The following ARHGAP35 variants were observed in gnomAD, a reference collection of about 807,000 sequenced individuals.
The protein encoded by ARHGAP35 is Rho GTPase activating protein 35, also known as rho GTPase-activating protein 35.
Under a neutral mutation model 111.1 loss-of-function variants are expected in ARHGAP35, and 15 were observed. That is an observed-to-expected ratio of 0.13 (90% CI 0.09 to 0.21). The LOEUF (loss-of-function observed/expected upper bound fraction) is 0.21, where lower values mean the gene tolerates loss of function less well. Among genes scored for constraint, ARHGAP35 ranks in the 10% least tolerant of loss-of-function variants. The pLI, the probability that ARHGAP35 is intolerant of heterozygous loss-of-function variation, is 1.00. For synonymous variants in ARHGAP35, 643 were observed against 710.3 expected, an observed-to-expected ratio of 0.91 and a Z score of 1.51; for missense variants, 1,262 against 1,873.0, an observed-to-expected ratio of 0.67 and a Z score of 6.02.
rs10405527 is a variant in ARHGAP35 at position 46,996,929 on chromosome 19, G to A, written c.4037-2375G>A. Among the ~76,000 whole-genome samples the A allele has an allele frequency of 3.6e-3, 551 of 152,288 alleles. 7 individuals carry two copies. Among genetic ancestry groups the A allele is most frequent in the African/African-American group, 0.013 (527 of 41,546 alleles). On this transcript the variant is annotated intron_variant, in intron 5 of 6. Coordinates refer to ENST00000672722, the MANE Select transcript of ARHGAP35 (RefSeq NM_004491.5). ...TCCCAGCATTTTGGGAGGCCGAGGC[G>A]GGTGGATCACCTGAGGTCAGGAGTT...
At chr19:46,880,584 CTG>C in intron 1 of ARHGAP35, among the ~76,000 whole-genome samples, 1 of 152,286 alleles carries the variant, frequency 6.6e-6, no homozygotes, top group East Asian at 1.9e-4. Flanking sequence ...TCAAAGCAGT[CTG>C]TGAGGGTTAG....
intron 3 of ARHGAP35, among the ~76,000 whole-genome samples, chr19:46,959,973 T>G (rs866093052): frequency 6.6e-6 from 1 of 150,604 alleles, no homozygotes; most frequent in African/African-American, 2.4e-5. Flanking sequence ...AGCCATGCAT[T>G]GTGGCACATG....
intron 5 of ARHGAP35, among the ~76,000 whole-genome samples, chr19:46,995,130 A>G (rs2056700508): frequency 6.6e-6 from 1 of 152,158 alleles, no homozygotes; most frequent in Non-Finnish European, 1.5e-5. Context: ...GGCTGGGTAC[A>G]GTGTGACTGG....
chr19:46,983,858 G>A (rs948033437), intron 3 of ARHGAP35, among the ~76,000 whole-genome samples: 4 of 151,788 alleles, frequency 2.6e-5, no homozygotes, highest in Admixed American at 6.6e-5. Context: ...CTCGTGATTC[G>A]CCCGCCTCGG....
At chr19:46,998,131 A>G (rs1194893248) in intron 5 of ARHGAP35, among the ~76,000 whole-genome samples, 2 of 151,954 alleles carry the variant, frequency 1.3e-5, no homozygotes, top group Non-Finnish European at 2.9e-5. Context: ...AAAGAAAAGA[A>G]TACTTGGTTC....
chr19:46,949,350 G>A (rs1417943176), intron 3 of ARHGAP35, among the ~76,000 whole-genome samples: 5 of 152,030 alleles, frequency 3.3e-5, no homozygotes, highest in African/African-American at 4.8e-5. Flanking sequence ...TACAAAGGGG[G>A]ACCACACCTT....
At chr19:46,943,305 A>G (rs311368) in intron 3 of ARHGAP35, among the ~76,000 whole-genome samples, 96,856 of 152,000 alleles carry the variant, frequency 0.64, 31,637 homozygotes, top group Middle Eastern at 0.8. Flanking sequence ...TTCCAGGACC[A>G]AGTGTGGCCT....
At chr19:46,882,708 T>A (rs542904475) in intron 1 of ARHGAP35, among the ~76,000 whole-genome samples, 1 of 152,180 alleles carries the variant, frequency 6.6e-6, no homozygotes, top group Middle Eastern at 3.2e-3. Flanking sequence ...TGTGTCCATA[T>A]GTTCTCATTG....
chr19:46,972,251 T>G (rs2056554578), intron 3 of ARHGAP35, among the ~76,000 whole-genome samples: 1 of 151,636 alleles, frequency 6.6e-6, no homozygotes, highest in Non-Finnish European at 1.5e-5. Context: ...CCTCAGGTGA[T>G]CACCCACCTC....
chr19:46,947,871 C>T (rs577019180), intron 3 of ARHGAP35: 1 of 152,150 alleles, frequency 6.6e-6, no homozygotes, highest in South Asian at 2.1e-4. Context: ...GAAACACTTG[C>T]TTATATTTAC....
At chr19:46,958,539 G>A (rs1242784335) in intron 3 of ARHGAP35, among the ~76,000 whole-genome samples, 2 of 152,206 alleles carry the variant, frequency 1.3e-5, no homozygotes, top group Admixed American at 1.3e-4. Flanking sequence ...TATTTTATGT[G>A]TGGATGACAC....
At chr19:46,924,580 T>C (rs771683447) in intron 2 of ARHGAP35, among the ~76,000 whole-genome samples, 45 of 152,202 alleles carry the variant, frequency 3.0e-4, no homozygotes, top group Non-Finnish European at 5.3e-4. Context: ...CCTCCAAAGG[T>C]TGGTAGGAGG....
chr19:46,933,557 T>A (rs2122219625), intron 2 of ARHGAP35, among the ~76,000 whole-genome samples: 1 of 152,324 alleles, frequency 6.6e-6, no homozygotes. Flanking sequence ...TTCGCAGTCA[T>A]ACAGACCTGA....
chr19:46,996,416 A>G (rs1047824714), intron 5 of ARHGAP35, among the ~76,000 whole-genome samples: 2 of 151,880 alleles, frequency 1.3e-5, no homozygotes, highest in African/African-American at 2.4e-5. Flanking sequence ...AATTATTATC[A>G]ATGCAGGCTT....
Position 46,988,428 on chromosome 19 carries a change from A to G in ARHGAP35, c.3904+362A>G, listed in dbSNP as rs1230469629. ...CACATGATATACAAGTCGGGTTGAG[A>G]TGTGATCCTGTTTTGCCAGGGCCTC... is the stretch of plus-strand genomic sequence containing the variant. On this transcript the variant is annotated intron_variant, in intron 4 of 6. Coordinates refer to ENST00000672722, the MANE Select transcript of ARHGAP35 (RefSeq NM_004491.5). This position sits in a 1 kb window ranked among gnomAD's most constrained non-coding sequence, Gnocchi z 5.4. 1 of 250,350 alleles carries G rather than the reference A, an allele frequency of 4.0e-6. No homozygotes were observed. The highest frequency in any genetic ancestry group is 8.0e-6 in the Non-Finnish European group (1 of 124,850). The allele number at this position is 250,350 out of a possible 1,614,324, so 15.5% of individuals were successfully genotyped here. A position where few individuals can be genotyped will look rare whatever the true frequency, so the allele number is the denominator to read the frequency against.
chr19:46,893,362 A>G (rs939681285), intron 1 of ARHGAP35, among the ~76,000 whole-genome samples: 1 of 152,106 alleles, frequency 6.6e-6, no homozygotes, highest in Non-Finnish European at 1.5e-5. Flanking sequence ...GATGTTGATG[A>G]GCATCTACCG....
chr19:46,904,153 G>T (rs992648528), intron 1 of ARHGAP35, among the ~76,000 whole-genome samples: 1 of 152,078 alleles, frequency 6.6e-6, no homozygotes, highest in African/African-American at 2.4e-5. Context: ...GGAAGTGGGC[G>T]CAAAGCCTTT....
In ARHGAP35 at chr19:46,993,821, C is replaced by T. The variant is rs755076755; in HGVS notation, c.4036+4146C>T. 3.3e-5 allele frequency among the ~76,000 whole-genome samples: 5 copies of T among 152,150 alleles called. No individual in the cohort carries two copies. The highest frequency in any genetic ancestry group is 1.9e-4 in the East Asian group (1 of 5,200). On this transcript the variant is annotated intron_variant, in intron 5 of 6. Transcript: ENST00000672722. The surrounding 1 kb of genome is among the most constrained non-coding windows in gnomAD (Gnocchi z 4.6). ...GAGCCAAGCCAAGCAAAGGGGTGAG[C>T]GCAGTGTGGAGGCTGGGGTCTCCTC...
At chr19:46,863,339 G>A (rs1030825151) in intron 1 of ARHGAP35, among the ~76,000 whole-genome samples, 7 of 152,202 alleles carry the variant, frequency 4.6e-5, no homozygotes, top group Admixed American at 1.3e-4. Context: ...ATAGGTGGGG[G>A]TTGGTTGATT....
Sources: allele counts gnomAD v4.1 joint callset (sites outside exome capture counted in the v4.1 genomes callset), GRCh38; gene constraint gnomAD v4.1.1; non-coding constraint Gnocchi (gnomAD v3.1); transcripts MANE v1.5; gene names NCBI Gene and HGNC (gene_info 2026-07-23, HGNC 2026-07-21).